Variants in EXOC4 observed in about 807,000 individuals in gnomAD.
EXOC4 encodes exocyst complex component 4.
EXOC4 carries 71 observed loss-of-function variants against 107.2 expected under a neutral mutation model. That is an observed-to-expected ratio of 0.66 (90% CI 0.55 to 0.81). EXOC4 has a LOEUF of 0.81. EXOC4 is among the 30% of genes least tolerant of loss of function. The pLI is 0.00. For synonymous variants in EXOC4, 456 were observed against 441.2 expected (o/e 1.03, Z -0.42); for missense variants, 1,108 against 1,189.6 (o/e 0.93, Z 1.01).
At chr7:134,004,103 A>AT (rs1309742165) in intron 15 of EXOC4, among the ~76,000 whole-genome samples, 1 of 151,904 alleles carries the variant, frequency 6.6e-6, no homozygotes, top group Non-Finnish European at 1.5e-5. Context: ...TCTTTTAGTC[A>AT]TTTTTTTCTT....
chr7:133,352,722 T>A (rs1260066763), intron 5 of EXOC4, among the ~76,000 whole-genome samples: 1 of 152,088 alleles, frequency 6.6e-6, no homozygotes, highest in Non-Finnish European at 1.5e-5. Flanking sequence ...CCCCTCATGT[T>A]CTACATTACT....
intron 9 of EXOC4, among the ~76,000 whole-genome samples, chr7:133,485,545 G>A (rs545237347): frequency 3.3e-5 from 5 of 151,916 alleles, no homozygotes; most frequent in African/African-American, 4.8e-5. Flanking sequence ...CTAGCATCCC[G>A]TCTCCCTACA....
chr7:133,970,472 G>T (rs1801180318), intron 14 of EXOC4, among the ~76,000 whole-genome samples: 3 of 152,154 alleles, frequency 2.0e-5, no homozygotes, highest in Admixed American at 1.3e-4. Context: ...GGGCCTGGTG[G>T]TGTAGGCACC....
At chr7:134,091,552 G>A in the EXOC4 span, among the ~76,000 whole-genome samples, 146 of 152,252 alleles carry the variant, frequency 9.6e-4, 1 homozygote, top group Middle Eastern at 0.02. Context: ...TAATCGTCTG[G>A]GAATGCAGCC....
chr7:133,457,686 A>G (rs924746833), intron 7 of EXOC4, among the ~76,000 whole-genome samples: 1 of 152,230 alleles, frequency 6.6e-6, no homozygotes, highest in African/African-American at 2.4e-5. Flanking sequence ...GAAGGACTTC[A>G]CAATCTGGCA....
intron 14 of EXOC4, among the ~76,000 whole-genome samples, chr7:133,964,351 T>C (rs866658278): frequency 4.6e-5 from 7 of 152,238 alleles, no homozygotes; most frequent in Middle Eastern, 3.4e-3. Context: ...CTATATACTT[T>C]AAGTTCTGGG....
the EXOC4 span, among the ~76,000 whole-genome samples, chr7:134,077,038 A>G: frequency 2.0e-5 from 3 of 152,132 alleles, no homozygotes; most frequent in Non-Finnish European, 4.4e-5. Flanking sequence ...GTTGGCTCAC[A>G]TGATTATGGA....
chr7:133,614,881 T>C (rs1802155284), intron 9 of EXOC4, among the ~76,000 whole-genome samples: 2 of 138,954 alleles, frequency 1.4e-5, no homozygotes, highest in Non-Finnish European at 3.1e-5. Flanking sequence ...GCAGACAACA[T>C]ACCAGAGGAA....
chr7:133,456,912 T>G (rs1798475873), intron 7 of EXOC4, among the ~76,000 whole-genome samples: 1 of 152,192 alleles, frequency 6.6e-6, no homozygotes, highest in Non-Finnish European at 1.5e-5. Flanking sequence ...ATTTGCAGGA[T>G]TATTTGTATA....
chr7:133,795,270 G>A (rs146852409), intron 10 of EXOC4, among the ~76,000 whole-genome samples: 2 of 152,216 alleles, frequency 1.3e-5, no homozygotes, highest in Non-Finnish European at 2.9e-5. Flanking sequence ...TGCTTTCAAG[G>A]TTCAGCACAC....
chr7:133,416,771 T>A (rs1371390796), intron 7 of EXOC4, among the ~76,000 whole-genome samples: 1 of 152,152 alleles, frequency 6.6e-6, no homozygotes, highest in Non-Finnish European at 1.5e-5. Flanking sequence ...GTACATTTTT[T>A]AAAGAAGGAT....
Position 133,420,931 on chromosome 7 carries a change from C to T in EXOC4, c.1182+45929C>T, listed in dbSNP as rs549616369. On this transcript the variant is annotated intron_variant, in intron 7 of 17. Coordinates refer to ENST00000253861, the MANE Select transcript of EXOC4 (RefSeq NM_021807.4). ...CACTTTTGTAGTGCTGTTGTACTCT[C>T]TGAGAGAGTTTGTAATTTCCTAACT... Among the ~76,000 whole-genome samples the T allele has an allele frequency of 3.3e-5, 5 of 150,862 alleles. No individual in the cohort carries two copies. In the South Asian group the frequency reaches 1.1e-3, roughly 32 times the overall value.
chr7:133,562,088 T>C (rs1454244766), intron 9 of EXOC4, among the ~76,000 whole-genome samples: 5 of 152,322 alleles, frequency 3.3e-5, no homozygotes, highest in African/African-American at 1.2e-4. Context: ...AGTGGGGAAA[T>C]TGGTTTTGTG....
intron 12 of EXOC4, among the ~76,000 whole-genome samples, chr7:133,911,959 C>G (rs111884102): frequency 6.6e-6 from 1 of 152,050 alleles, no homozygotes; most frequent in African/African-American, 2.4e-5. Context: ...ATGGTGAAAT[C>G]TCCCACAGCC....
chr7:133,638,589 T>C (rs1445522578), intron 10 of EXOC4, among the ~76,000 whole-genome samples: 1 of 152,210 alleles, frequency 6.6e-6, no homozygotes, highest in African/African-American at 2.4e-5. Context: ...CACCCCTCCC[T>C]ACCATATAGT....
rs552596816 is a variant in EXOC4 at position 134,018,127 on chromosome 7, G to T, written c.2687+10292G>T. ...TTAGTTAATTAACCCACCCAGGGAG[G>T]CTATTTTTCTGCCAGGGAAGGGTTG... On this transcript the variant is annotated intron_variant, in intron 17 of 17. Coordinates refer to ENST00000253861, the MANE Select transcript of EXOC4 (RefSeq NM_021807.4). 5.3e-5 allele frequency among the ~76,000 whole-genome samples: 8 copies of T among 152,260 alleles called. No individual in the cohort carries two copies. The South Asian group carries it at 1.5e-3, about 28-fold the overall frequency.
At chr7:133,484,298 A>G in intron 9 of EXOC4, 1 of 854,970 alleles carries the variant, frequency 1.2e-6, no homozygotes, top group Non-Finnish European at 1.6e-6. Flanking sequence ...GGCTGCGGAG[A>G]TGTGGGTGCT....
chr7:133,690,443 T>C (rs1562909353), intron 10 of EXOC4, among the ~76,000 whole-genome samples: 1 of 152,124 alleles, frequency 6.6e-6, no homozygotes. Context: ...CTGTTACCAT[T>C]ACCTTCTTCT....
chr7:133,935,808 T>TA (rs1281413461), intron 13 of EXOC4, among the ~76,000 whole-genome samples: 3 of 152,174 alleles, frequency 2.0e-5, no homozygotes, highest in African/African-American at 7.2e-5. Context: ...GAGTTGCTAA[T>TA]AGTTGAAGCT....
Sources: allele counts gnomAD v4.1 joint callset (sites outside exome capture counted in the v4.1 genomes callset), GRCh38; gene constraint gnomAD v4.1.1; transcripts MANE v1.5; gene names NCBI Gene and HGNC (gene_info 2026-07-23, HGNC 2026-07-21).